The following CLUH variants were observed in gnomAD, a reference collection of about 807,000 sequenced individuals.
CLUH encodes CLUH binding protein of NUMT mRNA.
A neutral mutation model predicts 139.3 loss-of-function variants in CLUH; 77 were observed. The ratio of observed to expected loss-of-function variants is 0.55; its 90% CI spans 0.46 to 0.67. The LOEUF (loss-of-function observed/expected upper bound fraction) is 0.67. CLUH is among the 30% of genes least tolerant of loss of function. The pLI, the probability that CLUH is intolerant of heterozygous loss-of-function variation, is 0.00. For synonymous variants in CLUH, 999 were observed against 801.6 expected (o/e 1.25, Z -4.16); for missense variants, 1,876 against 1,875.8 (o/e 1.00, Z 0.00).
In CLUH at chr17:2,703,208, C is replaced by A; in HGVS notation, c.475+110G>T. ...CTGAGAAGCAGATCTGTGCTCCAAT[C>A]CTGCCTCCATGAGCTCATCCGTGAC... On this transcript the variant is annotated intron_variant, in intron 3 of 25. Transcript: ENST00000651024. This position sits in a 1 kb window ranked among gnomAD's most constrained non-coding sequence, Gnocchi z 4.2. 8.6e-7 allele frequency: 1 copy of A among 1,158,770 alleles called. No individual in the cohort carries two copies. The highest frequency in any genetic ancestry group is 1.5e-5 in the South Asian group (1 of 67,344). 71.8% of individuals were successfully genotyped at this position (1,158,770 alleles called of 1,614,324 possible).
At position 2,696,921 on chromosome 17, in the gene CLUH, C is replaced by T. The variant is rs143605055; in HGVS notation, c.1983G>A (p.Leu661=). 4,904 of 1,599,020 alleles carry T rather than the reference C, an allele frequency of 3.1e-3. 13 individuals are homozygous for T. Among genetic ancestry groups the T allele is most frequent in the Admixed American group, 4.2e-3 (242 of 57,684 alleles). Reference sequence around the variant, plus strand: ...TCTGCTGCATCAGCTGCAAGGCGGCCAGCTTCATAAAGAGGAGGTACCTGG... The same window carrying T: ...TCTGCTGCATCAGCTGCAAGGCGGCTAGCTTCATAAAGAGGAGGTACCTGG... ...VEHRYLLFMK[L]AALQLMQQNA... Residue 661 remains leucine, a synonymous_variant, in exon 11 of 26, where the codon CTG becomes CTA. Coordinates refer to ENST00000651024, the MANE Select transcript of CLUH (RefSeq NM_001366661.1).
chr17:2,706,219 T>A lies in CLUH; in HGVS notation c.101-1655A>T, dbSNP rs1330165965. Among the ~76,000 whole-genome samples the A allele has an allele frequency of 6.6e-6, 1 of 152,032 alleles. No homozygotes were observed. Among genetic ancestry groups the A allele is most frequent in the Non-Finnish European group, 1.5e-5 (1 of 68,000 alleles). ...CGGAGCAGGAGCCTCAGGGAAGGGA[T>A]GAGGCCAGTACGGAAAGGCAGAGAC... On this transcript the variant is annotated intron_variant, in intron 1 of 25. Transcript: ENST00000651024. This position sits in a 1 kb window ranked among gnomAD's most constrained non-coding sequence, Gnocchi z 4.6.
At position 2,705,499 on chromosome 17, in the gene CLUH, C is replaced by T. The variant is rs571091508; in HGVS notation, c.101-935G>A. Among the ~76,000 whole-genome samples, 17 of 152,292 alleles carry T rather than the reference C, an allele frequency of 1.1e-4. 1 individual carries two copies. The highest frequency in any genetic ancestry group is 3.9e-4 in the African/African-American group (16 of 41,544). On this transcript the variant is annotated intron_variant, in intron 1 of 25. Transcript: ENST00000651024. ...CACAGCCCTCCCACCGCCCTCCCAC[C>T]GCTGTGCTTCTGTGTCTGTGCTGCC...
In CLUH at chr17:2,690,451, CAGG is replaced by C. The variant is rs2069576094; in HGVS notation, c.*140_*142del. 1.4e-6 allele frequency: 1 copy of C among 689,896 alleles called. No homozygotes were observed. Among genetic ancestry groups the C allele is most frequent in the Non-Finnish European group, 2.1e-6 (1 of 466,610 alleles). The allele number at this position is 689,896 out of a possible 1,614,324, so 42.7% of individuals were successfully genotyped here. A position where few individuals can be genotyped will look rare whatever the true frequency, so the allele number is the denominator to read the frequency against. ...CTGCGGGGCAGGCAGGCCAGGCTCCCAGGAGGACACGGGGGTGGGGTGGGGTGA... is the reference window on the plus strand; with the variant it reads ...CTGCGGGGCAGGCAGGCCAGGCTCCCAGGACACGGGGGTGGGGTGGGGTGA... On this transcript the variant is annotated 3_prime_UTR_variant, in exon 26 of 26. Transcript: ENST00000651024.
chr17:2,703,237 G>A lies in CLUH; in HGVS notation c.475+81C>T, dbSNP rs2070242707. The A allele has an allele frequency of 7.0e-7, 1 of 1,435,872 alleles. No individual in the cohort carries two copies. Among genetic ancestry groups the A allele is most frequent in the Admixed American group, 2.0e-5 (1 of 49,162 alleles). 88.9% of individuals were successfully genotyped at this position (1,435,872 alleles called of 1,614,324 possible). ...CCTCCATGAGCTCATCCGTGACACA[G>A]GGACCCTGGCATGGATGGTGCTGCC... On this transcript the variant is annotated intron_variant, in intron 3 of 25. Coordinates refer to ENST00000651024, the MANE Select transcript of CLUH (RefSeq NM_001366661.1). The surrounding 1 kb of genome is among the most constrained non-coding windows in gnomAD (Gnocchi z 4.2).
chr17:2,695,621 GAGA>G, intron 13 of CLUH, 95 bp from the exon 14 acceptor site: 1 of 1,423,160 alleles, frequency 7.0e-7, no homozygotes. Flanking sequence ...GGAGGCCCTG[GAGA>G]AGGACCCCGA....
rs1368032114 is a variant in CLUH at position 2,707,130 on chromosome 17, C to T, written c.101-2566G>A. ...CCCCTGGATGAAGGCTGAGCGATCTCCCCCGCAGGCAGCTGGCTGGCTCAC... is the reference window on the plus strand; with the variant it reads ...CCCCTGGATGAAGGCTGAGCGATCTTCCCCGCAGGCAGCTGGCTGGCTCAC... On this transcript the variant is annotated intron_variant, in intron 1 of 25. Coordinates refer to ENST00000651024, the MANE Select transcript of CLUH (RefSeq NM_001366661.1). The surrounding 1 kb of genome is among the most constrained non-coding windows in gnomAD (Gnocchi z 7.4). The T allele has an allele frequency of 1.0e-6, 1 of 971,108 alleles. No individual in the cohort carries two copies. Among genetic ancestry groups the T allele is most frequent in the Non-Finnish European group, 1.2e-6 (1 of 816,970 alleles). 60.2% of individuals were successfully genotyped at this position (971,108 alleles called of 1,614,324 possible).
chr17:2,698,810 G>A (rs868642190), intron 9 of CLUH, among the ~76,000 whole-genome samples: 1 of 152,140 alleles, frequency 6.6e-6, no homozygotes, highest in Non-Finnish European at 1.5e-5. Context: ...TTGAGGGGCC[G>A]AGGCGGTCAG....
Position 2,704,907 on chromosome 17 carries a change from T to G in CLUH, c.101-343A>C, listed in dbSNP as rs1196993096. Among the ~76,000 whole-genome samples, 2 of 151,792 alleles carry G rather than the reference T, an allele frequency of 1.3e-5. No individual in the cohort carries two copies. The highest frequency in any genetic ancestry group is 4.8e-5 in the African/African-American group (2 of 41,292). ...TTCCCAGCAGCAGTTCCCCTCTTCC[T>G]CTCCTCTTCTCTGACCCCACACAGT... is the stretch of plus-strand genomic sequence containing the variant. On this transcript the variant is annotated intron_variant, in intron 1 of 25. Transcript: ENST00000651024. The surrounding 1 kb of genome is among the most constrained non-coding windows in gnomAD (Gnocchi z 5.7).
intron 25 of CLUH, 73 bp downstream of exon 25, chr17:2,691,536 G>C (rs896732041): frequency 8.9e-6 from 13 of 1,463,178 alleles, no homozygotes; most frequent in African/African-American, 1.4e-5. Flanking sequence ...ACTCCAGCCC[G>C]GGTGACAGGG....
intron 24 of CLUH, 28 bp downstream of exon 24, chr17:2,691,733 C>T (rs1567574707): frequency 3.1e-6 from 5 of 1,600,582 alleles, no homozygotes; most frequent in Non-Finnish European, 4.3e-6. Flanking sequence ...CTCGCCGGGC[C>T]GGAGGGGCCG....
chr17:2,691,954 C>CCCGCCCCCGCCCCCGCCA (rs2069675340), intron 23 of CLUH, 50 bp downstream of exon 23: 1 of 1,104,284 alleles, frequency 9.1e-7, no homozygotes, highest in Non-Finnish European at 1.2e-6. Flanking sequence ...CGCCCCCGCC[C>CCCGCCCCCGCCCCCGCCA]CGCCACGCCC....
chr17:2,692,272 A>C lies in CLUH; in HGVS notation c.3560+89T>G, dbSNP rs566867744. 36 of 1,460,402 alleles carry C rather than the reference A, an allele frequency of 2.5e-5. No homozygotes were observed. The South Asian group carries it at 4.0e-4, about 16-fold the overall frequency. 90.5% of individuals were successfully genotyped at this position (1,460,402 alleles called of 1,614,324 possible). A position where few individuals can be genotyped will look rare whatever the true frequency, so the allele number is the denominator to read the frequency against. On this transcript the variant is annotated intron_variant, in intron 22 of 25. Coordinates refer to ENST00000651024, the MANE Select transcript of CLUH (RefSeq NM_001366661.1). ...CGAGAGAAATTTTCTCGGGTGGAGG[A>C]AGACAGGAGCACTGGGTCTCTTCCC...
At chr17:2,700,249 C>G in intron 9 of CLUH, 133 bp downstream of exon 9, 1 of 757,340 alleles carries the variant, frequency 1.3e-6, no homozygotes, top group African/African-American at 1.7e-5. Flanking sequence ...GCGGGAGACG[C>G]TGACTGGCCT....
chr17:2,697,023 G>A, intron 10 of CLUH, 81 bp from the exon 11 acceptor site: 1 of 1,130,854 alleles, frequency 8.8e-7, no homozygotes, highest in Non-Finnish European at 1.2e-6. Context: ...CCGGCAGCTG[G>A]GGCTCCACAC....
At position 2,700,730 on chromosome 17, in the gene CLUH, G is replaced by C; in HGVS notation, c.1121C>G (p.Ala374Gly). The C allele has an allele frequency of 6.5e-7, 1 of 1,545,076 alleles. No individual in the cohort carries two copies. Among genetic ancestry groups the C allele is most frequent in the Non-Finnish European group, 8.7e-7 (1 of 1,151,336 alleles). ...CAGCCTCGAGGTGTAGGCGTCCTCT[G>C]CACGCACGCAATCCATGGCATGCTC... ...QAEHAMDCVR[A>G]EDAYTSRLGY... Residue 374 changes from alanine to glycine, a missense_variant, in exon 8 of 26, where the codon GCA becomes GGA. Physicochemically the swap from Ala to Gly is moderately conservative, Grantham distance 60. Coordinates refer to ENST00000651024, the MANE Select transcript of CLUH (RefSeq NM_001366661.1).
At chr17:2,708,009 G>A (rs945441946) in intron 1 of CLUH, 141 of 985,184 alleles carry the variant, frequency 1.4e-4, no homozygotes, top group Non-Finnish European at 1.7e-4. Context: ...GCTCTGCCAG[G>A]AGGGAACCAA....
In CLUH at chr17:2,698,335, G is replaced by A; in HGVS notation, c.1522C>T (p.Leu508=). ...NAVDVEGLYT[L]GTVVVDYRGY... is the part of the protein sequence containing the mutation. ...CGGTAATCCACCACCACCGTGCCCA[G>A]CGTGTACAGCCCCTCCACGTCCACC... The change falls in exon 10 of 26, where the codon CTG becomes TTG. Residue 508 remains leucine (L), a synonymous_variant. Transcript: ENST00000651024. 1 of 1,613,168 alleles carries A rather than the reference G, an allele frequency of 6.2e-7. No homozygotes were observed. The highest frequency in any genetic ancestry group is 8.5e-7 in the Non-Finnish European group (1 of 1,179,764).
At chr17:2,709,832 G>A (rs575266273) in intron 1 of CLUH, among the ~76,000 whole-genome samples, 5 of 152,046 alleles carry the variant, frequency 3.3e-5, no homozygotes, top group Non-Finnish European at 2.9e-5. Flanking sequence ...TGGCTGTAAC[G>A]TAAGTCCTAG....
Sources: allele counts gnomAD v4.1 joint callset (sites outside exome capture counted in the v4.1 genomes callset), GRCh38; gene constraint gnomAD v4.1.1; non-coding constraint Gnocchi (gnomAD v3.1); transcripts MANE v1.5; gene names NCBI Gene and HGNC (gene_info 2026-07-23, HGNC 2026-07-21).